DNAJC6: variants seen among roughly 807,000 people sequenced by gnomAD.
DNAJC6 encodes the protein auxilin.
In DNAJC6, 34 loss-of-function variants were observed where a neutral mutation model predicts 110.0. The observed-to-expected ratio is 0.31, with a 90% CI of 0.24 to 0.41. The LOEUF is 0.41. Ranked by LOEUF, DNAJC6 falls within the 10% of genes least tolerant of loss-of-function variation. The pLI, the probability that DNAJC6 is intolerant of heterozygous loss-of-function variation, is 1.00. For synonymous variants in DNAJC6, 406 were observed against 437.2 expected (o/e 0.93, Z 0.89); for missense variants, 1,031 against 1,207.8 (o/e 0.85, Z 2.17).
intron 1 of DNAJC6, among the ~76,000 whole-genome samples, chr1:65,302,835 T>G (rs1250665203): frequency 6.6e-6 from 1 of 152,166 alleles, no homozygotes; most frequent in Non-Finnish European, 1.5e-5. Context: ...GCGCCCGGCC[T>G]GTCTCTTCCT....
chr1:65,366,155 C>G lies in DNAJC6; in HGVS notation c.502C>G (p.Leu168Val). 10 of 1,613,852 alleles carry G rather than the reference C, an allele frequency of 6.2e-6. No individual in the cohort carries two copies. Among genetic ancestry groups the G allele is most frequent in the Non-Finnish European group, 8.5e-6 (10 of 1,179,804 alleles). ...RHLDHYTVYN[L>V]SPKSYRTAKF... ...TCTTGACCACTACACAGTATACAAT[C>G]TGTCACCTAAGTCTTATCGAACTGC... The change falls in exon 4 of 19, where the codon CTG (leucine) becomes GTG (valine). Residue 168 changes from leucine to valine, a missense_variant. Physicochemically the swap from Leu to Val is conservative, Grantham distance 32. Transcript: ENST00000371069.
chr1:65,411,172 G>T (rs1286946392), intron 17 of DNAJC6, 78 bp from the exon 18 acceptor site: 3 of 1,442,722 alleles, frequency 2.1e-6, no homozygotes, highest in Middle Eastern at 2.5e-4. Context: ...GAGCAGAAGG[G>T]GTTTCTAGAG....
Position 65,296,626 on chromosome 1 carries a change from C to T in DNAJC6, c.-131+31694C>T, listed in dbSNP as rs576119622. Among the ~76,000 whole-genome samples, 9 of 132,492 alleles carry T rather than the reference C, an allele frequency of 6.8e-5. No individual in the cohort carries two copies. The Admixed American group carries it at 8.2e-4, about 12-fold the overall frequency. The allele number at this position is 132,492 out of a possible 152,430, so 86.9% of individuals were successfully genotyped here. A position where few individuals can be genotyped will look rare whatever the true frequency, so the allele number is the denominator to read the frequency against. On this transcript the variant is annotated intron_variant, in intron 1 of 19. Transcript: ENST00000263441. ...TTTTTGAGACGGAGTCTAGCTCTGTCACTCAGGCTGGAGTGCAGTGGCGCG... is the reference window on the plus strand; with the variant it reads ...TTTTTGAGACGGAGTCTAGCTCTGTTACTCAGGCTGGAGTGCAGTGGCGCG...
intron 1 of DNAJC6, among the ~76,000 whole-genome samples, chr1:65,286,397 C>T (rs1433811899): frequency 1.3e-5 from 2 of 152,282 alleles, no homozygotes; most frequent in South Asian, 2.1e-4. Context: ...CAGGTATGCA[C>T]TACCACACCT....
At chr1:65,325,257 A>C (rs1645231863) in intron 1 of DNAJC6, among the ~76,000 whole-genome samples, 1 of 152,224 alleles carries the variant, frequency 6.6e-6, no homozygotes, top group African/African-American at 2.4e-5. Flanking sequence ...TTAAGTGACC[A>C]GAAGGCCAAG....
intron 1 of DNAJC6, among the ~76,000 whole-genome samples, chr1:65,326,033 T>G (rs1205240010): frequency 6.6e-6 from 1 of 152,226 alleles, no homozygotes; most frequent in African/African-American, 2.4e-5. Context: ...CTGTCATATA[T>G]TCAATGTCAT....
At chr1:65,301,981 G>A (rs1644983580) in intron 1 of DNAJC6, among the ~76,000 whole-genome samples, 2 of 151,026 alleles carry the variant, frequency 1.3e-5, no homozygotes, top group Admixed American at 1.3e-4. Context: ...ACATCAGAGA[G>A]AGAGAGAGAG....
At position 65,415,485 on chromosome 1, in the gene DNAJC6, C is replaced by CACACAT. The variant is rs770035911; in HGVS notation, c.*2461_*2462insCACATA. 2 of 151,652 alleles carry CACACAT rather than the reference C, an allele frequency of 1.3e-5. No homozygotes were observed. Among genetic ancestry groups the CACACAT allele is most frequent in the Admixed American group, 6.6e-5 (1 of 15,220 alleles). The allele number at this position is 151,652 out of a possible 1,614,324, so 9.4% of individuals were successfully genotyped here. A position where few individuals can be genotyped will look rare whatever the true frequency, so the allele number is the denominator to read the frequency against. On this transcript the variant is annotated 3_prime_UTR_variant, in exon 19 of 19. Transcript: ENST00000371069. ...ACACACACACACACACACACACACA[C>CACACAT]ATGCACGCACACATGATTTTGATTA...
chr1:65,303,942 C>T (rs892717650), intron 1 of DNAJC6, among the ~76,000 whole-genome samples: 10 of 152,088 alleles, frequency 6.6e-5, no homozygotes, highest in African/African-American at 2.4e-4. Flanking sequence ...TCACTTTGAT[C>T]AGTGGAATTG....
chr1:65,388,106 C>T (rs1645889781), intron 8 of DNAJC6, among the ~76,000 whole-genome samples: 1 of 152,130 alleles, frequency 6.6e-6, no homozygotes, highest in Non-Finnish European at 1.5e-5. Context: ...TGTGCAAGAA[C>T]ATAGTATTTA....
intron 1 of DNAJC6, among the ~76,000 whole-genome samples, chr1:65,287,330 T>A (rs1037063848): frequency 3.9e-5 from 6 of 152,188 alleles, no homozygotes; most frequent in African/African-American, 7.2e-5. Flanking sequence ...ACAAGATTTT[T>A]AAAAATGGAT....
intron 15 of DNAJC6, among the ~76,000 whole-genome samples, chr1:65,403,420 C>T (rs1193983624): frequency 6.6e-6 from 1 of 152,182 alleles, no homozygotes; most frequent in African/African-American, 2.4e-5. Flanking sequence ...TTCATCCAGT[C>T]AATGGTTTTC....
intron 1 of DNAJC6, among the ~76,000 whole-genome samples, chr1:65,354,919 C>T (rs1234159908): frequency 6.6e-6 from 1 of 152,016 alleles, no homozygotes; most frequent in Non-Finnish European, 1.5e-5. Context: ...AAATGATCTC[C>T]ATTTCCGGGC....
chr1:65,335,557 G>T (rs1215524800), intron 1 of DNAJC6, among the ~76,000 whole-genome samples: 1 of 152,176 alleles, frequency 6.6e-6, no homozygotes, highest in Non-Finnish European at 1.5e-5. Flanking sequence ...CTCTGAAAAA[G>T]AAACATTTAA....
At chr1:65,287,557 A>G (rs693014) in intron 1 of DNAJC6, among the ~76,000 whole-genome samples, 116,000 of 152,072 alleles carry the variant, frequency 0.76, 44,830 homozygotes, top group East Asian at 1. Context: ...ATGAAGAACA[A>G]TCACTCCCCC....
At chr1:65,360,670 G>A (rs770789462) in intron 1 of DNAJC6, among the ~76,000 whole-genome samples, 1 of 152,272 alleles carries the variant, frequency 6.6e-6, no homozygotes, top group East Asian at 1.9e-4. Context: ...GGGAAATAAT[G>A]TGCTCTATTT....
intron 1 of DNAJC6, among the ~76,000 whole-genome samples, chr1:65,280,280 T>C (rs1653804143): frequency 6.6e-6 from 1 of 152,208 alleles, no homozygotes; most frequent in Non-Finnish European, 1.5e-5. Flanking sequence ...TTTTTCTGTG[T>C]GTATCTTTAT....
chr1:65,341,418 A>G (rs376726841), intron 1 of DNAJC6, among the ~76,000 whole-genome samples: 2 of 152,254 alleles, frequency 1.3e-5, no homozygotes, highest in Admixed American at 6.5e-5. Flanking sequence ...TGTCTTTGAA[A>G]TTTCAGCACC....
intron 1 of DNAJC6, among the ~76,000 whole-genome samples, chr1:65,355,094 G>A (rs12568312): frequency 0.12 from 18,835 of 151,608 alleles, 2,083 homozygotes; most frequent in African/African-American, 0.29. Flanking sequence ...GCGAAACCCC[G>A]TTGCTGCAGA....
Sources: allele counts gnomAD v4.1 joint callset (sites outside exome capture counted in the v4.1 genomes callset), GRCh38; gene constraint gnomAD v4.1.1; transcripts MANE v1.5; gene names NCBI Gene and HGNC (gene_info 2026-07-23, HGNC 2026-07-21).